The following GSE1 variants were observed in gnomAD, a reference collection of about 807,000 sequenced individuals.
GSE1 encodes the protein Gse1 coiled-coil protein.
Under a neutral mutation model 112.6 loss-of-function variants are expected in GSE1, and 32 were observed. That is an observed-to-expected ratio of 0.28 (90% CI 0.21 to 0.38). GSE1 has a LOEUF of 0.38. Ranked by LOEUF, GSE1 falls within the 10% of genes least tolerant of loss-of-function variation. The probability of loss-of-function intolerance (pLI) is 1.00; values close to 1 mark genes in which losing one functional copy is unlikely to be tolerated. For missense variants in GSE1, 2,348 were observed against 1,699.2 expected (o/e 1.38, Z -6.71); for synonymous variants, 1,115 against 735.6 (o/e 1.52, Z -8.35).
chr16:85,604,201 T>G (rs2047585079), intron 1 of GSE1, among the ~76,000 whole-genome samples: 1 of 152,226 alleles, frequency 6.6e-6, no homozygotes, highest in Non-Finnish European at 1.5e-5. Context: ...CCTAAGCAAC[T>G]ACTCCTCTGC....
At chr16:85,362,786 A>C (rs1490089412) in intron 2 of GSE1, among the ~76,000 whole-genome samples, 1 of 146,968 alleles carries the variant, frequency 6.8e-6, no homozygotes, top group Non-Finnish European at 1.5e-5. Context: ...GGCCCTGGGT[A>C]TCCTTCCTGA....
intron 1 of GSE1, among the ~76,000 whole-genome samples, chr16:85,203,988 C>T (rs1403743579): frequency 9.9e-5 from 15 of 152,222 alleles, no homozygotes; most frequent in Admixed American, 9.8e-4. Flanking sequence ...TGGTCTCAAA[C>T]TCCTGGGCTC....
Position 85,648,719 on chromosome 16 carries a change from G to A in GSE1, c.394G>A (p.Val132Met), listed in dbSNP as rs764223650. ...GGTGACCATCGCTCCAACCAAAACC[G>A]TGAATGGTGTCTGGAGGAGTGAGAG... ...PVVTIAPTKTVNGVWRSESRQ... is the reference protein window; with the variant it reads ...PVVTIAPTKTMNGVWRSESRQ... The change falls in exon 3 of 16, where the codon GTG becomes ATG. Residue 132 changes from valine to methionine, a missense_variant. By Grantham distance (21) the Val-to-Met change is conservative (BLOSUM62 1). Coordinates refer to ENST00000253458, the MANE Select transcript of GSE1 (RefSeq NM_014615.5). The A allele has an allele frequency of 1.2e-6, 2 of 1,605,424 alleles. No homozygotes were observed. Among genetic ancestry groups the A allele is most frequent in the African/African-American group, 2.7e-5 (2 of 74,558 alleles).
intron 2 of GSE1, among the ~76,000 whole-genome samples, chr16:85,423,764 A>ACT (rs1243576046): frequency 6.6e-6 from 1 of 151,258 alleles, no homozygotes; most frequent in Non-Finnish European, 1.5e-5. Context: ...CCATCCATCC[A>ACT]CTCTCCCACC....
Position 85,634,037 on chromosome 16 carries a change from C to T in GSE1, c.131C>T (p.Pro44Leu), listed in dbSNP as rs762841856. 6.2e-6 allele frequency: 10 copies of T among 1,610,684 alleles called. No individual in the cohort carries two copies. Among genetic ancestry groups the T allele is most frequent in the Non-Finnish European group, 8.5e-6 (10 of 1,178,636 alleles). Residue 44 changes from proline to leucine, a missense_variant, in exon 2 of 16, where the codon CCC (proline) becomes CTC (leucine). Transcript: ENST00000253458. ...GGCGCCCTGGTGCCCAGCGGCAGCC[C>T]CGCCACCAGCAGCGCGCTGTCGGCC... ...LNGALVPSGS[P>L]ATSSALSAQA... is the part of the protein sequence containing the mutation.
intron 2 of GSE1, among the ~76,000 whole-genome samples, chr16:85,508,190 C>T (rs749808999): frequency 1.6e-4 from 24 of 152,260 alleles, no homozygotes; most frequent in African/African-American, 5.1e-4. Context: ...TGCGTCACCA[C>T]GCCCAGCTAA....
At chr16:85,395,461 C>T (rs2047943640) in intron 2 of GSE1, among the ~76,000 whole-genome samples, 2 of 152,122 alleles carry the variant, frequency 1.3e-5, no homozygotes, top group African/African-American at 4.8e-5. Flanking sequence ...AGGGTGGAGC[C>T]GAGATGCAAA....
At chr16:85,277,042 T>C (rs980166429) in intron 1 of GSE1, among the ~76,000 whole-genome samples, 2 of 152,072 alleles carry the variant, frequency 1.3e-5, no homozygotes, top group Admixed American at 1.3e-4. Flanking sequence ...GGATGGCATC[T>C]TCAAAGTCCC....
At chr16:85,526,781 C>T (rs1276762491) in intron 2 of GSE1, among the ~76,000 whole-genome samples, 1 of 152,250 alleles carries the variant, frequency 6.6e-6, no homozygotes, top group Non-Finnish European at 1.5e-5. Context: ...CGCTCTCTTA[C>T]AGGCGACCAG....
intron 1 of GSE1, among the ~76,000 whole-genome samples, chr16:85,177,585 G>C (rs1269828101): frequency 1.3e-5 from 2 of 152,168 alleles, no homozygotes; most frequent in Non-Finnish European, 2.9e-5. Flanking sequence ...GGCGATTTGC[G>C]TTGTGTACGT....
intron 1 of GSE1, among the ~76,000 whole-genome samples, chr16:85,203,946 T>G (rs2075072859): frequency 6.6e-6 from 1 of 152,122 alleles, no homozygotes; most frequent in African/African-American, 2.4e-5. Flanking sequence ...ACTTTTTGTA[T>G]TTTTTGTAGA....
chr16:85,261,926 T>C (rs1597221556), intron 1 of GSE1, among the ~76,000 whole-genome samples: 1 of 152,154 alleles, frequency 6.6e-6, no homozygotes, highest in African/African-American at 2.4e-5. Context: ...TCCTGAGATA[T>C]GTGTATTTTC....
At chr16:85,446,290 AC>A (rs1452465960) in intron 2 of GSE1, among the ~76,000 whole-genome samples, 3 of 152,140 alleles carry the variant, frequency 2.0e-5, no homozygotes, top group Non-Finnish European at 4.4e-5. Flanking sequence ...TGGTCTGACT[AC>A]CTCATGGTCT....
chr16:85,621,254 C>T (rs1307685903), intron 1 of GSE1, among the ~76,000 whole-genome samples: 1 of 152,096 alleles, frequency 6.6e-6, no homozygotes, highest in Admixed American at 6.5e-5. Flanking sequence ...ATGGTTTCGG[C>T]CCTGGGTCTG....
At chr16:85,356,325 G>A (rs935753855) in intron 1 of GSE1, among the ~76,000 whole-genome samples, 3 of 152,252 alleles carry the variant, frequency 2.0e-5, no homozygotes, top group Admixed American at 6.5e-5. Context: ...CCTGAGGCCC[G>A]GGGCTGCACC....
chr16:85,256,010 G>A (rs373421869), intron 1 of GSE1, among the ~76,000 whole-genome samples: 5 of 152,314 alleles, frequency 3.3e-5, no homozygotes, highest in Admixed American at 2.0e-4. Context: ...TCAATCCTGC[G>A]TGACCTCGGG....
At chr16:85,268,396 C>T (rs186139674) in intron 1 of GSE1, among the ~76,000 whole-genome samples, 2 of 152,308 alleles carry the variant, frequency 1.3e-5, no homozygotes, top group African/African-American at 4.8e-5. Context: ...CCAGTGATCC[C>T]CTCTGCATCG....
intron 1 of GSE1, among the ~76,000 whole-genome samples, chr16:85,574,356 A>C (rs1343810923): frequency 6.6e-6 from 1 of 152,200 alleles, no homozygotes; most frequent in East Asian, 1.9e-4. Context: ...GGGGTCACAC[A>C]GCCAGTTAGA....
At chr16:85,436,231 C>G (rs967372662) in intron 2 of GSE1, among the ~76,000 whole-genome samples, 1 of 152,232 alleles carries the variant, frequency 6.6e-6, no homozygotes, top group African/African-American at 2.4e-5. Flanking sequence ...TTCCCTTGCT[C>G]TTAGCAAAGC....
Sources: allele counts gnomAD v4.1 joint callset (sites outside exome capture counted in the v4.1 genomes callset), GRCh38; gene constraint gnomAD v4.1.1; transcripts MANE v1.5; gene names NCBI Gene and HGNC (gene_info 2026-07-23, HGNC 2026-07-21).